KLK4: variants seen among roughly 807,000 people sequenced by gnomAD.
The protein encoded by KLK4 is kallikrein-4.
KLK4 carries 24 observed loss-of-function variants against 24.3 expected under a neutral mutation model. That is an observed-to-expected ratio of 0.99 (90% CI 0.72 to 1.39). The LOEUF (loss-of-function observed/expected upper bound fraction) is 1.39. Ranked by LOEUF, KLK4 falls within the 40% of genes most tolerant of loss-of-function variation. KLK4 has a pLI of 0.00. For synonymous variants in KLK4, 142 were observed against 138.8 expected, an observed-to-expected ratio of 1.02 and a Z score of -0.16; for missense variants, 344 against 327.4, an observed-to-expected ratio of 1.05 and a Z score of -0.39.
At position 50,908,496 on chromosome 19, in the gene KLK4, C is replaced by T; in HGVS notation, c.476-1G>A. ...CACTGCAGCACGGTAGGCATTCTGCCTGGGACGCAGAGCTCTGGGTCAGCC... is the reference window on the plus strand; with the variant it reads ...CACTGCAGCACGGTAGGCATTCTGCTTGGGACGCAGAGCTCTGGGTCAGCC... On this transcript the variant is annotated splice_acceptor_variant, in intron 4 of 5. Transcript: ENST00000324041. LOFTEE classifies it high-confidence loss of function. The T allele has an allele frequency of 1.2e-6, 2 of 1,614,222 alleles. No individual in the cohort carries two copies. Among genetic ancestry groups the T allele is most frequent in the Non-Finnish European group, 1.7e-6 (2 of 1,180,048 alleles).
chr19:50,907,906 CG>C, intron 5 of KLK4: 1 of 245,108 alleles, frequency 4.1e-6, no homozygotes, highest in East Asian at 1.0e-4. Context: ...AATTCACAGA[CG>C]AACTGTGTAG....
chr19:50,907,582 T>C (rs560571367), intron 5 of KLK4, among the ~76,000 whole-genome samples: 1 of 152,062 alleles, frequency 6.6e-6, no homozygotes, highest in Admixed American at 6.6e-5. Flanking sequence ...AACTTTTGTA[T>C]TTTTAGTACA....
At chr19:50,906,987 T>G (rs776352208) in exon 6 of KLK4, 1 of 1,614,160 alleles carries the variant, frequency 6.2e-7, no homozygotes, top group East Asian at 2.2e-5. Flanking sequence ...CAGAGGTTGG[T>G]GTAGACACCT....
chr19:50,906,864 A>G, exon 6 of KLK4: 1 of 1,589,132 alleles, frequency 6.3e-7, no homozygotes, highest in Admixed American at 1.7e-5. Flanking sequence ...GGGGCTGGGA[A>G]CAGATATTCC....
chr19:50,908,321 T>G (rs2090451532), intron 5 of KLK4, 38 bp downstream of exon 5: 1 of 1,608,562 alleles, frequency 6.2e-7, no homozygotes, highest in South Asian at 1.1e-5. Context: ...TCTCCACCCT[T>G]CCCTGAGTCG....
chr19:50,910,258 C>T lies in KLK4; in HGVS notation c.61+420G>A, dbSNP rs575693129. Among the ~76,000 whole-genome samples the T allele has an allele frequency of 9.2e-5, 14 of 152,148 alleles. No homozygotes were observed. The South Asian group carries it at 2.7e-3, about 29-fold the overall frequency. The stretch of plus-strand genomic sequence containing the variant: ...CACAAGCCCATGCACACCAAAACAC[C>T]GTTTTATAGTCCTGTGAGGTGAGTT... On this transcript the variant is annotated intron_variant, in intron 2 of 5. Coordinates refer to ENST00000324041, the Ensembl canonical transcript of KLK4. The surrounding 1 kb of genome is among the most constrained non-coding windows in gnomAD (Gnocchi z 4.4).
At chr19:50,909,178 C>A (rs934317310) in intron 3 of KLK4, 74 bp downstream of exon 3, 2 of 1,611,888 alleles carry the variant, frequency 1.2e-6, no homozygotes, top group African/African-American at 1.3e-5. Flanking sequence ...CCCCTGAGCA[C>A]CCCAAGATGA....
Position 50,908,684 on chromosome 19 carries a change from C to T in KLK4, c.370G>A (p.Glu124Lys), listed in dbSNP as rs768039962. The change falls in exon 4 of 6, where the codon GAA becomes AAA. Residue 124 changes from glutamate (E) to lysine (K), a missense_variant. Transcript: ENST00000324041. ...ATGGTGTCAGACTCGGACACGGATT[C>T]GTCCAACTTGATGAGCATGAGGTCG... 7.4e-6 allele frequency: 12 copies of T among 1,614,052 alleles called. No individual in the cohort carries two copies. The African/African-American group carries it at 9.3e-5, about 13-fold the overall frequency.
chr19:50,910,741 C>A lies in KLK4; in HGVS notation c.-3G>T, dbSNP rs372458124. 3.9e-6 allele frequency: 6 copies of A among 1,552,716 alleles called. No individual in the cohort carries two copies. The highest frequency in any genetic ancestry group is 5.2e-6 in the Non-Finnish European group (6 of 1,147,448). The stretch of plus-strand genomic sequence containing the variant: ...CAGGGATTTCCTGCTGTGGCCATCA[C>A]GTCAGCACCTGGGGATGAGGACTGA... On this transcript the variant is annotated 5_prime_UTR_variant, in exon 2 of 6. Coordinates refer to ENST00000324041, the Ensembl canonical transcript of KLK4. The surrounding 1 kb of genome is among the most constrained non-coding windows in gnomAD (Gnocchi z 4.4).
chr19:50,907,147 C>T, intron 5 of KLK4, 61 bp from the exon 6 acceptor site: 1 of 1,554,042 alleles, frequency 6.4e-7, no homozygotes, highest in Non-Finnish European at 8.9e-7. Context: ...TGGATGTGGG[C>T]TCAGAAAGGA....
rs1268873984 is a variant in KLK4 at position 50,907,052 on chromosome 19, T to A, written c.647A>T (p.Tyr216Phe). The A allele has an allele frequency of 4.3e-6, 7 of 1,614,126 alleles. No homozygotes were observed. The South Asian group carries it at 7.7e-5, about 18-fold the overall frequency. The change falls in exon 6 of 6, where the codon TAC becomes TTC. Residue 216 changes from tyrosine (Y) to phenylalanine (F), a missense_variant. Tyr to Phe is a conservative substitution (Grantham distance 22, BLOSUM62 3). Transcript: ENST00000324041. ...TCCGAAAGACACAAGGCCCTGCAAGTACCCGTTGCAGATCAGGGGCCCCCC... is the reference window on the plus strand; with the variant it reads ...TCCGAAAGACACAAGGCCCTGCAAGAACCCGTTGCAGATCAGGGGCCCCCC...
exon 6 of KLK4, chr19:50,906,999 G>T: frequency 6.2e-7 from 1 of 1,614,110 alleles, no homozygotes; most frequent in Non-Finnish European, 8.5e-7. Context: ...TAGACACCTG[G>T]CACGCCAACT....
At chr19:50,911,365 C>T (rs2090486612) in exon 1 of KLK4, among the ~76,000 whole-genome samples, 2 of 152,228 alleles carry the variant, frequency 1.3e-5, no homozygotes, top group African/African-American at 4.8e-5. Context: ...TCCTGGATTC[C>T]ACTGCTGGGC....
rs149847568 is a variant in KLK4, at chr19:50,908,486, G to A, written c.485C>T (p.Pro162Leu). 1.7e-4 allele frequency: 272 copies of A among 1,614,096 alleles called. No homozygotes were observed. Among genetic ancestry groups the A allele is most frequent in the Non-Finnish European group, 2.1e-4 (245 of 1,180,048 alleles). The change falls in exon 5 of 6, where the codon CCT (proline) becomes CTT (leucine). Residue 162 changes from proline to leucine, a missense_variant. Coordinates refer to ENST00000324041, the Ensembl canonical transcript of KLK4. The stretch of plus-strand genomic sequence containing the variant: ...CACGTTCACGCACTGCAGCACGGTA[G>A]GCATTCTGCCTGGGACGCAGAGCTC...
In KLK4 at chr19:50,909,246, A is replaced by T. The variant is rs752670072; in HGVS notation, c.224+6T>A. On this transcript the variant is annotated splice_donor_region_variant and intron_variant, in intron 3 of 5. Transcript: ENST00000324041. ...CCCTGCCCACTCCCCCTACCTCTGCACTCACTTCTGGAAACAGTGTGCGGC... is the reference window on the plus strand; with the variant it reads ...CCCTGCCCACTCCCCCTACCTCTGCTCTCACTTCTGGAAACAGTGTGCGGC... 6.2e-7 allele frequency: 1 copy of T among 1,613,730 alleles called. No homozygotes were observed. Among genetic ancestry groups the T allele is most frequent in the African/African-American group, 1.3e-5 (1 of 74,850 alleles).
At chr19:50,907,045 C>T in exon 6 of KLK4, 1 of 1,614,166 alleles carries the variant, frequency 6.2e-7, no homozygotes, top group Non-Finnish European at 8.5e-7. Flanking sequence ...ACACAAGGCC[C>T]TGCAAGTACC....
At chr19:50,907,039 A>G (rs2090438108) in exon 6 of KLK4, 1 of 1,614,184 alleles carries the variant, frequency 6.2e-7, no homozygotes, top group Non-Finnish European at 8.5e-7. Flanking sequence ...CGAAAGACAC[A>G]AGGCCCTGCA....
At chr19:50,909,454 G>A (rs753149368) in intron 2 of KLK4, 40 bp from the exon 3 acceptor site, 6 of 1,607,846 alleles carry the variant, frequency 3.7e-6, no homozygotes, top group Middle Eastern at 1.7e-4. Flanking sequence ...ACCAGGAGGC[G>A]GGCCCAGGGT....
chr19:50,910,657 C>T lies in KLK4; in HGVS notation c.61+21G>A, dbSNP rs768426966. 2.6e-6 allele frequency: 4 copies of T among 1,551,752 alleles called. No homozygotes were observed. The highest frequency in any genetic ancestry group is 2.4e-5 in the South Asian group (2 of 84,126). ...CTGTGCCCCCAAGCACGGACAGACACACACACGCATACTCAGATACCTGCG... is the reference window on the plus strand; with the variant it reads ...CTGTGCCCCCAAGCACGGACAGACATACACACGCATACTCAGATACCTGCG... On this transcript the variant is annotated intron_variant, in intron 2 of 5. Coordinates refer to ENST00000324041, the Ensembl canonical transcript of KLK4. The surrounding 1 kb of genome is among the most constrained non-coding windows in gnomAD (Gnocchi z 4.4).
Sources: gnomAD v4.1 joint callset for allele counts (sites outside exome capture counted in the v4.1 genomes callset) on GRCh38, gnomAD v4.1.1 for gene constraint, Gnocchi (gnomAD v3.1) non-coding constraint, MANE v1.5 for transcripts, NCBI Gene and HGNC (gene_info 2026-07-23, HGNC 2026-07-21) for gene names.